DSCAML1: variants seen among roughly 807,000 people sequenced by gnomAD.
The protein encoded by DSCAML1 is DS cell adhesion molecule like 1.
A neutral mutation model predicts 200.5 loss-of-function variants in DSCAML1; 38 were observed. That is an observed-to-expected ratio of 0.19 (90% confidence interval 0.15 to 0.25). The LOEUF is 0.25. DSCAML1 is among the 10% of genes least tolerant of loss of function. The pLI is 1.00. For missense variants in DSCAML1, 2,223 were observed against 2,858.8 expected (o/e 0.78, Z 5.07); for synonymous variants, 1,215 against 1,165.0 (o/e 1.04, Z -0.87).
chr11:117,694,057 T>TTATATATA lies in DSCAML1; in HGVS notation c.511+82726_511+82733dup, dbSNP rs35313833. Among the ~76,000 whole-genome samples, 392 of 116,624 alleles carry TTATATATA rather than the reference T, an allele frequency of 3.4e-3. 2 individuals carry two copies. Among genetic ancestry groups the TTATATATA allele is most frequent in the Middle Eastern group, 4.3e-3 (1 of 234 alleles). The allele number at this position is 116,624 out of a possible 152,430, so 76.5% of individuals were successfully genotyped here. The stretch of plus-strand genomic sequence containing the variant: ...CCTCTGTCATTTTTAGGTTCTATCT[T>TTATATATA]TATATATATATATATATATATACAC... On this transcript the variant is annotated intron_variant, in intron 3 of 32. Coordinates refer to ENST00000651296, the MANE Select transcript of DSCAML1 (RefSeq NM_020693.4).
In DSCAML1 at chr11:117,431,565, G is replaced by A; in HGVS notation, c.5343C>T (p.Asp1781=). The change falls in exon 31 of 33, where the codon GAC becomes GAT. Residue 1781 remains aspartate, a synonymous_variant. Coordinates refer to ENST00000651296, the MANE Select transcript of DSCAML1 (RefSeq NM_020693.4). ...CCTGGGACAGGCTGGCACTGTAGCT[G>A]TCACTCTCAGTGACCGTGACACCAT... ...SQHGVTVTES[D]SYSASLSQDT... is the part of the protein sequence containing the mutation. 6.2e-7 allele frequency: 1 copy of A among 1,603,272 alleles called. No homozygotes were observed. Among genetic ancestry groups the A allele is most frequent in the East Asian group, 2.2e-5 (1 of 44,698 alleles).
chr11:117,562,685 T>C (rs2050686229), intron 3 of DSCAML1, among the ~76,000 whole-genome samples: 1 of 152,240 alleles, frequency 6.6e-6, no homozygotes, highest in African/African-American at 2.4e-5. Context: ...AACAAATGAA[T>C]GAACGAATGA....
chr11:117,809,252 G>C (rs1456579650), intron 1 of DSCAML1, among the ~76,000 whole-genome samples: 1 of 152,260 alleles, frequency 6.6e-6, no homozygotes, highest in African/African-American at 2.4e-5. Flanking sequence ...GGTGGGGCAG[G>C]TCCTGGGAGG....
chr11:117,594,026 T>G (rs73012563), intron 3 of DSCAML1, among the ~76,000 whole-genome samples: 1 of 152,138 alleles, frequency 6.6e-6, no homozygotes, highest in Non-Finnish European at 1.5e-5. Context: ...CTCACTGCAT[T>G]TCTAAGTGGC....
At chr11:117,561,742 GCAGGATGCCCCTCGTACTAGCCC>G (rs1164105654) in intron 3 of DSCAML1, among the ~76,000 whole-genome samples, 2 of 152,214 alleles carry the variant, frequency 1.3e-5, no homozygotes, top group African/African-American at 2.4e-5. Flanking sequence ...CTCAGGAAGG[GCAGGATGCCCCTCGTACTAGCCC>G]CAGAATGCCC....
At chr11:117,442,519 T>C (rs1343494828) in intron 21 of DSCAML1, among the ~76,000 whole-genome samples, 1 of 151,962 alleles carries the variant, frequency 6.6e-6, no homozygotes, top group African/African-American at 2.4e-5. Flanking sequence ...TGTGTGTGCG[T>C]GTGTGTGTAT....
intron 18 of DSCAML1, among the ~76,000 whole-genome samples, chr11:117,459,863 A>G (rs2048445080): frequency 6.6e-6 from 1 of 152,254 alleles, no homozygotes; most frequent in Admixed American, 6.5e-5. Context: ...CAGAGGGCCT[A>G]GCCAGGGAAA....
rs574070679 is a variant in DSCAML1 at position 117,749,562 on chromosome 11, G to A, written c.511+27229C>T. ...AAGGCAGCAGACAACAGCACCAGGC[G>A]ACCAGCAGACCTGAGCCTTCGGAAC... On this transcript the variant is annotated intron_variant, in intron 3 of 32. Coordinates refer to ENST00000651296, the MANE Select transcript of DSCAML1 (RefSeq NM_020693.4). Among the ~76,000 whole-genome samples, 100 of 152,308 alleles carry A rather than the reference G, an allele frequency of 6.6e-4. 1 individual carries two copies. The highest frequency in any genetic ancestry group is 2.0e-3 in the Admixed American group (30 of 15,310).
intron 3 of DSCAML1, among the ~76,000 whole-genome samples, chr11:117,748,599 T>C (rs1324186758): frequency 6.6e-6 from 1 of 152,162 alleles, no homozygotes; most frequent in Non-Finnish European, 1.5e-5. Flanking sequence ...AGGTGTGGAA[T>C]GCGGGGGCTC....
chr11:117,800,280 G>C (rs1483162764), upstream of DSCAML1, among the ~76,000 whole-genome samples: 1 of 152,210 alleles, frequency 6.6e-6, no homozygotes, highest in Non-Finnish European at 1.5e-5. Flanking sequence ...AAGAGAGTCA[G>C]GCGGCGTGTT....
At chr11:117,590,014 A>C (rs948404085) in intron 3 of DSCAML1, among the ~76,000 whole-genome samples, 2 of 152,180 alleles carry the variant, frequency 1.3e-5, no homozygotes, top group Non-Finnish European at 2.9e-5. Flanking sequence ...GGGTCTCACT[A>C]GGTATTTTTT....
intron 3 of DSCAML1, among the ~76,000 whole-genome samples, chr11:117,650,686 T>TGTGTGTGTGTGTGTGC (rs1555194685): frequency 2.9e-5 from 4 of 139,152 alleles, no homozygotes; most frequent in Non-Finnish European, 4.8e-5. Flanking sequence ...TGTGTGTGTG[T>TGTGTGTGTGTGTGTGC]GTGTGTGTGT....
At chr11:117,773,011 C>T (rs1241481547) in intron 3 of DSCAML1, among the ~76,000 whole-genome samples, 1 of 152,214 alleles carries the variant, frequency 6.6e-6, no homozygotes, top group East Asian at 1.9e-4. Flanking sequence ...TCCAGACTCT[C>T]CCTGCCCTGG....
chr11:117,796,253 C>T (rs993826160), intron 1 of DSCAML1, among the ~76,000 whole-genome samples: 2 of 152,246 alleles, frequency 1.3e-5, no homozygotes, highest in Admixed American at 6.5e-5. Context: ...CCCCTCTCTC[C>T]GGGAAGAGGG....
chr11:117,472,110 AC>A, intron 14 of DSCAML1, 74 bp from the exon 15 acceptor site: 1 of 1,558,360 alleles, frequency 6.4e-7, no homozygotes, highest in Admixed American at 1.7e-5. Context: ...AAGTACCAGT[AC>A]AACCCAATAT....
At chr11:117,615,602 G>A (rs149261058) in intron 3 of DSCAML1, among the ~76,000 whole-genome samples, 278 of 152,200 alleles carry the variant, frequency 1.8e-3, no homozygotes, top group African/African-American at 6.2e-3. Flanking sequence ...GTTGGTGGTC[G>A]CCAGCTGTTC....
At chr11:117,464,602 G>A (rs145211441) in intron 17 of DSCAML1, among the ~76,000 whole-genome samples, 1 of 152,198 alleles carries the variant, frequency 6.6e-6, no homozygotes, top group Non-Finnish European at 1.5e-5. Flanking sequence ...GGAAGAGAGA[G>A]GGGTTAGCGT....
At chr11:117,796,948 G>A (rs1229430291) in intron 1 of DSCAML1, 86 bp downstream of exon 1, 4 of 1,079,872 alleles carry the variant, frequency 3.7e-6, no homozygotes, top group Admixed American at 8.9e-5. Flanking sequence ...CACGCACCTG[G>A]AGCCCGCCGG....
chr11:117,779,884 A>G (rs1034909032), intron 2 of DSCAML1, among the ~76,000 whole-genome samples: 2 of 152,156 alleles, frequency 1.3e-5, no homozygotes, highest in Non-Finnish European at 2.9e-5. Context: ...TAATGTGTGC[A>G]CTTTCCTTTA....
Sources: allele counts gnomAD v4.1 joint callset (sites outside exome capture counted in the v4.1 genomes callset), GRCh38; gene constraint gnomAD v4.1.1; transcripts MANE v1.5; gene names NCBI Gene and HGNC (gene_info 2026-07-23, HGNC 2026-07-21).